GRM1: variants seen among roughly 807,000 people sequenced by gnomAD.
GRM1 encodes metabotropic glutamate receptor 1.
GRM1 carries 33 observed loss-of-function variants against 90.9 expected under a neutral mutation model. The ratio of observed to expected loss-of-function variants is 0.36; its 90% confidence interval spans 0.28 to 0.49. The LOEUF is 0.49. GRM1 is among the 20% of genes least tolerant of loss of function. The pLI is 0.99. For missense variants in GRM1, 1,190 were observed against 1,534.3 expected (o/e 0.78, Z 3.75); for synonymous variants, 700 against 613.2 (o/e 1.14, Z -2.09).
chr6:146,399,428 A>G lies in GRM1; in HGVS notation c.2389A>G (p.Ile797Val), dbSNP rs1283479564. The change falls in exon 7 of 8, where the codon ATC becomes GTC. Residue 797 changes from isoleucine to valine, a missense_variant. This residue lies in a region of GRM1 where 73 missense variants were observed against 150.6 expected (regional missense o/e 0.48). Transcript: ENST00000282753. The surrounding 1 kb of genome is among the most constrained non-coding windows in gnomAD (Gnocchi z 5.4). ...IAFTMYTTCIIWLAFVPIYFG... is the reference protein window; with the variant it reads ...IAFTMYTTCIVWLAFVPIYFG... Reference sequence around the variant, plus strand: ...GTTCACCATGTACACCACCTGTATCATCTGGCTAGCTTTTGTGCCCATTTA... The same window carrying G: ...GTTCACCATGTACACCACCTGTATCGTCTGGCTAGCTTTTGTGCCCATTTA... The G allele has an allele frequency of 6.2e-7, 1 of 1,614,186 alleles. No homozygotes were observed. Among genetic ancestry groups the G allele is most frequent in the Non-Finnish European group, 8.5e-7 (1 of 1,180,046 alleles).
chr6:146,402,984 G>C (rs2114598120), intron 7 of GRM1, among the ~76,000 whole-genome samples: 1 of 152,114 alleles, frequency 6.6e-6, no homozygotes, highest in Admixed American at 6.6e-5. Context: ...GAGATCAGCT[G>C]AAGTTACCTT....
chr6:146,062,713 A>G (rs1210007041), intron 1 of GRM1, among the ~76,000 whole-genome samples: 3 of 151,726 alleles, frequency 2.0e-5, no homozygotes, highest in African/African-American at 7.3e-5. Context: ...ATTTTTCTGT[A>G]ATGCCTATTT....
intron 1 of GRM1, among the ~76,000 whole-genome samples, chr6:146,085,252 A>C (rs1317604477): frequency 6.6e-6 from 1 of 152,112 alleles, no homozygotes; most frequent in Non-Finnish European, 1.5e-5. Context: ...ATTATAAATA[A>C]AATTAAAAGA....
At chr6:146,395,828 A>C (rs189606793) in intron 6 of GRM1, among the ~76,000 whole-genome samples, 62 of 152,266 alleles carry the variant, frequency 4.1e-4, no homozygotes, top group Admixed American at 1.6e-3. Flanking sequence ...GTTGCATAGA[A>C]AAAGAATGAA....
intron 2 of GRM1, among the ~76,000 whole-genome samples, chr6:146,245,226 G>A (rs1781015141): frequency 6.6e-6 from 1 of 152,152 alleles, no homozygotes; most frequent in African/African-American, 2.4e-5. Context: ...GGGCAAGAAT[G>A]GTGATATAAA....
chr6:146,164,958 A>T (rs1437303386), intron 2 of GRM1, among the ~76,000 whole-genome samples: 1 of 151,364 alleles, frequency 6.6e-6, no homozygotes, highest in Non-Finnish European at 1.5e-5. Context: ...CTTGCATTTC[A>T]ATTGCTTGTC....
At chr6:146,390,839 A>G (rs1242171412) in intron 6 of GRM1, among the ~76,000 whole-genome samples, 2 of 152,078 alleles carry the variant, frequency 1.3e-5, no homozygotes, top group Non-Finnish European at 2.9e-5. Context: ...AAGTCCTACA[A>G]TAGAGTTATG....
chr6:146,270,641 A>G (rs1179409091), intron 2 of GRM1, among the ~76,000 whole-genome samples: 1 of 152,142 alleles, frequency 6.6e-6, no homozygotes, highest in Non-Finnish European at 1.5e-5. Flanking sequence ...CTTTTGTGAC[A>G]CCTGAGATAG....
At chr6:146,294,632 T>G (rs771829297) in intron 2 of GRM1, among the ~76,000 whole-genome samples, 2 of 152,158 alleles carry the variant, frequency 1.3e-5, no homozygotes, top group Non-Finnish European at 2.9e-5. Context: ...TTTGCCAGCT[T>G]CTTCTATTAA....
At chr6:146,284,559 A>T (rs949875067) in intron 2 of GRM1, among the ~76,000 whole-genome samples, 1 of 152,068 alleles carries the variant, frequency 6.6e-6, no homozygotes. Context: ...TGTAATCCCC[A>T]TGTGTTGAGG....
At chr6:146,110,311 T>G (rs1012638743) in intron 1 of GRM1, among the ~76,000 whole-genome samples, 4 of 152,152 alleles carry the variant, frequency 2.6e-5, no homozygotes, top group African/African-American at 9.7e-5. Flanking sequence ...GCTGTTCTCA[T>G]GATAGTGAAT....
intron 2 of GRM1, among the ~76,000 whole-genome samples, chr6:146,237,033 G>A (rs966737432): frequency 6.6e-6 from 1 of 152,046 alleles, no homozygotes; most frequent in Non-Finnish European, 1.5e-5. Context: ...GGCTTGAACC[G>A]CACTGGGTGT....
intron 7 of GRM1, among the ~76,000 whole-genome samples, chr6:146,407,125 C>G (rs980055889): frequency 3.9e-5 from 6 of 152,092 alleles, no homozygotes; most frequent in African/African-American, 9.7e-5. Context: ...ACATGAAGGC[C>G]CTTAGAATAC....
chr6:146,344,536 T>C (rs1983635), intron 3 of GRM1, among the ~76,000 whole-genome samples: 33,571 of 152,202 alleles, frequency 0.22, 4,462 homozygotes, highest in South Asian at 0.31. Context: ...TTGATAACAT[T>C]AATCTTCCTA....
At chr6:146,074,597 C>A (rs1776122472) in intron 1 of GRM1, among the ~76,000 whole-genome samples, 1 of 152,136 alleles carries the variant, frequency 6.6e-6, no homozygotes, top group Non-Finnish European at 1.5e-5. Context: ...GCTTGGGTAG[C>A]CACTTCCTGG....
intron 2 of GRM1, among the ~76,000 whole-genome samples, chr6:146,258,652 T>C (rs983421053): frequency 4.6e-5 from 7 of 152,074 alleles, no homozygotes; most frequent in Admixed American, 3.3e-4. Context: ...CTGAAAGTGC[T>C]GAGATTATAG....
At chr6:146,248,160 G>T (rs867304765) in intron 2 of GRM1, among the ~76,000 whole-genome samples, 1 of 151,064 alleles carries the variant, frequency 6.6e-6, no homozygotes, top group Non-Finnish European at 1.5e-5. Context: ...TTCTTCTTTC[G>T]TTCCTACAGA....
chr6:146,039,046 TTA>T (rs1790998161), intron 1 of GRM1, among the ~76,000 whole-genome samples: 1 of 152,046 alleles, frequency 6.6e-6, no homozygotes, highest in South Asian at 2.1e-4. Flanking sequence ...ATCTCAATTT[TTA>T]TGTTTTGTAG....
rs1777082914 is a variant in GRM1, at chr6:146,399,678, A to C, written c.2639A>C (p.Lys880Thr). The change falls in exon 7 of 8, where the codon AAG becomes ACG. Residue 880 changes from lysine (K) to threonine (T), a missense_variant. This residue lies in a region of GRM1 where 400 missense variants were observed against 360.8 expected (regional missense o/e 1.11). Coordinates refer to ENST00000282753, the MANE Select transcript of GRM1 (RefSeq NM_001278064.2). The surrounding 1 kb of genome is among the most constrained non-coding windows in gnomAD (Gnocchi z 5.4). ...TTCCTCAACATCTTCCGAAGAAAGA[A>C]GGCAGGGGCAGGGAATGCCAAGTGA... ...NTFLNIFRRK[K>T]AGAGNANSNG... 6.2e-7 allele frequency: 1 copy of C among 1,612,008 alleles called. No individual in the cohort carries two copies. Among genetic ancestry groups the C allele is most frequent in the Admixed American group, 1.7e-5 (1 of 59,976 alleles).
Sources: allele counts gnomAD v4.1 joint callset (sites outside exome capture counted in the v4.1 genomes callset), GRCh38; gene constraint gnomAD v4.1.1; regional missense constraint gnomAD v4.1.1; non-coding constraint Gnocchi (gnomAD v3.1); transcripts MANE v1.5; gene names NCBI Gene and HGNC (gene_info 2026-07-23, HGNC 2026-07-21).